ESCO2: variants seen among roughly 807,000 people sequenced by gnomAD.
ESCO2 encodes N-acetyltransferase ESCO2.
A neutral mutation model predicts 61.7 loss-of-function variants in ESCO2; 51 were observed. That is an observed-to-expected ratio of 0.83 (90% CI 0.66 to 1.04). The LOEUF is 1.04. ESCO2 is among the 50% of genes least tolerant of loss of function. The pLI is 0.00. For synonymous variants in ESCO2, 230 were observed against 238.2 expected (o/e 0.97, Z 0.32); for missense variants, 692 against 686.2 (o/e 1.01, Z -0.09).
Position 27,803,761 on chromosome 8 carries a change from T to C in ESCO2, c.*323T>C. 9.4e-7 allele frequency: 1 copy of C among 1,063,104 alleles called. No homozygotes were observed. Among genetic ancestry groups the C allele is most frequent in the Non-Finnish European group, 1.1e-6 (1 of 880,554 alleles). 65.9% of individuals were successfully genotyped at this position (1,063,104 alleles called of 1,614,324 possible). A position where few individuals can be genotyped will look rare whatever the true frequency, so the allele number is the denominator to read the frequency against. On this transcript the variant is annotated 3_prime_UTR_variant, in exon 11 of 11. Transcript: ENST00000305188. ...CTTTGTAAGAGTATTAAATACAAAG[T>C]GATTTTTCTCTAGAAATGTGACCTG...
At chr8:27,810,892 T>C, downstream of ESCO2, 1 of 1,074,632 alleles carries the variant, frequency 9.3e-7, no homozygotes, top group Non-Finnish European at 1.4e-6. Flanking sequence ...CTTAGAAAGA[T>C]AAAATTATAT....
chr8:27,790,023 C>T (rs140077160), intron 7 of ESCO2, among the ~76,000 whole-genome samples: 3 of 152,220 alleles, frequency 2.0e-5, no homozygotes, highest in Non-Finnish European at 4.4e-5. Flanking sequence ...TAGGTTCTGA[C>T]ATTGTCTGCT....
At position 27,803,613 on chromosome 8, in the gene ESCO2, A is replaced by G; in HGVS notation, c.*175A>G. 1 of 1,378,716 alleles carries G rather than the reference A, an allele frequency of 7.3e-7. No individual in the cohort carries two copies. The highest frequency in any genetic ancestry group is 9.3e-7 in the Non-Finnish European group (1 of 1,073,382). 85.4% of individuals were successfully genotyped at this position (1,378,716 alleles called of 1,614,324 possible). ...TTTGTTCCTTATGAGTTGAAAAGTCAGGAATAAATTTGTTGAAAATTATCT... is the reference window on the plus strand; with the variant it reads ...TTTGTTCCTTATGAGTTGAAAAGTCGGGAATAAATTTGTTGAAAATTATCT... On this transcript the variant is annotated 3_prime_UTR_variant, in exon 11 of 11. Coordinates refer to ENST00000305188, the MANE Select transcript of ESCO2 (RefSeq NM_001017420.3).
rs1804812251 is a variant in ESCO2 at position 27,777,118 on chromosome 8, G to A, written c.810G>A (p.Leu270=). ...VPKCLVLEEK[L]KIGLLSASSK... Reference sequence around the variant, plus strand: ...AGTGCTTGGTCCTAGAAGAGAAATTGAAAATTGGACTACTGAGTGCAAGCA... The same window carrying A: ...AGTGCTTGGTCCTAGAAGAGAAATTAAAAATTGGACTACTGAGTGCAAGCA... The change falls in exon 3 of 11, where the codon TTG becomes TTA. Residue 270 remains leucine (L), a synonymous_variant. Coordinates refer to ENST00000305188, the MANE Select transcript of ESCO2 (RefSeq NM_001017420.3). 6.3e-7 allele frequency: 1 copy of A among 1,594,640 alleles called. No individual in the cohort carries two copies. The highest frequency in any genetic ancestry group is 1.4e-5 in the African/African-American group (1 of 73,358).
At chr8:27,772,612 C>G (rs1804672705), upstream of ESCO2, 10 of 1,477,786 alleles carry the variant, frequency 6.8e-6, no homozygotes, top group Non-Finnish European at 9.2e-6. Context: ...GGATACCAGA[C>G]TCGCGGCGGC....
chr8:27,812,181 T>G (rs1805700271), downstream of ESCO2: 1 of 152,180 alleles, frequency 6.6e-6, no homozygotes, highest in Admixed American at 6.5e-5. Context: ...AGGTTTTTCT[T>G]GTAGACAGCC....
Position 27,803,415 on chromosome 8 carries a change from C to T in ESCO2, c.1783C>T (p.Leu595Phe). 6.2e-7 allele frequency: 1 copy of T among 1,613,512 alleles called. No homozygotes were observed. The highest frequency in any genetic ancestry group is 8.5e-7 in the Non-Finnish European group (1 of 1,179,580). Residue 595 changes from leucine to phenylalanine, a missense_variant, in exon 11 of 11, where the codon CTC becomes TTC. Transcript: ENST00000305188. ...ATKYCNTPNFLVYNFNS is the reference protein window; with the variant it reads ...ATKYCNTPNFFVYNFNS ...CAAGTACTGCAACACCCCTAATTTC[C>T]TCGTATATAATTTTAATAGTTAAAG...
chr8:27,804,568 G>A lies in ESCO2; in HGVS notation c.*1130G>A, dbSNP rs1805521739. 3.1e-5 allele frequency: 31 copies of A among 985,328 alleles called. No homozygotes were observed. Among genetic ancestry groups the A allele is most frequent in the Non-Finnish European group, 3.7e-5 (31 of 829,876 alleles). 61.0% of individuals were successfully genotyped at this position (985,328 alleles called of 1,614,324 possible). ...GTGTAATTCTTGGATACTTTAAAAA[G>A]CAAAACATTGTTCAAATTGTTTTGA... On this transcript the variant is annotated 3_prime_UTR_variant, in exon 11 of 11. Transcript: ENST00000305188.
intron 9 of ESCO2, among the ~76,000 whole-genome samples, chr8:27,798,707 T>C (rs1293276440): frequency 1.3e-5 from 2 of 152,164 alleles, no homozygotes; most frequent in African/African-American, 4.8e-5. Flanking sequence ...TAACAAAGAA[T>C]TGATACACTT....
chr8:27,804,893 A>G lies in ESCO2; in HGVS notation c.*1455A>G, dbSNP rs1415115697. 1 of 433,052 alleles carries G rather than the reference A, an allele frequency of 2.3e-6. No homozygotes were observed. Among genetic ancestry groups the G allele is most frequent in the Non-Finnish European group, 3.1e-6 (1 of 325,422 alleles). 26.8% of individuals were successfully genotyped at this position (433,052 alleles called of 1,614,324 possible). On this transcript the variant is annotated 3_prime_UTR_variant, in exon 11 of 11. Coordinates refer to ENST00000305188, the MANE Select transcript of ESCO2 (RefSeq NM_001017420.3). ...TGTTATGAATCAATTAAAATTCTTT[A>G]TTTTATACAACTAAATCTGATTTTA...
intron 6 of ESCO2, 94 bp from the exon 7 acceptor site, chr8:27,788,753 T>C (rs1353161324): frequency 2.0e-6 from 3 of 1,483,554 alleles, no homozygotes; most frequent in East Asian, 2.3e-5. Context: ...AAAAAAAAAA[T>C]TAGGTGAAAT....
intron 5 of ESCO2, 25 bp downstream of exon 5, chr8:27,784,082 T>G: frequency 6.2e-7 from 1 of 1,605,060 alleles, no homozygotes; most frequent in Non-Finnish European, 8.5e-7. Context: ...TGTTTTAAAG[T>G]CCAAGCCTTG....
At chr8:27,772,359 G>A (rs554456756), upstream of ESCO2, among the ~76,000 whole-genome samples, 45 of 152,362 alleles carry the variant, frequency 3.0e-4, no homozygotes, top group African/African-American at 1.1e-3. Flanking sequence ...GCCGTGGGAG[G>A]GACGGATGTG....
At chr8:27,798,980 G>A (rs1446353741) in intron 9 of ESCO2, among the ~76,000 whole-genome samples, 1 of 152,092 alleles carries the variant, frequency 6.6e-6, no homozygotes, top group Non-Finnish European at 1.5e-5. Flanking sequence ...GTGATTAAGT[G>A]TCATGAAACT....
chr8:27,811,438 G>C (rs1805680281), downstream of ESCO2: 1 of 486,820 alleles, frequency 2.1e-6, no homozygotes, highest in Non-Finnish European at 3.7e-6. Flanking sequence ...TGCTTGGGTT[G>C]GTTCAAAGAC....
chr8:27,775,904 CA>C (rs997380401), intron 2 of ESCO2, among the ~76,000 whole-genome samples: 72 of 152,220 alleles, frequency 4.7e-4, no homozygotes, highest in African/African-American at 1.7e-3. Context: ...TAATATTTTA[CA>C]GTGTTTTGCA....
At chr8:27,781,222 A>G (rs1291962254) in intron 4 of ESCO2, among the ~76,000 whole-genome samples, 1 of 151,650 alleles carries the variant, frequency 6.6e-6, no homozygotes, top group Non-Finnish European at 1.5e-5. Context: ...ATGCCCATTT[A>G]TAGATGAGGA....
downstream of ESCO2, among the ~76,000 whole-genome samples, chr8:27,806,608 A>C (rs924095256): frequency 1.3e-5 from 2 of 150,068 alleles, no homozygotes; most frequent in Non-Finnish European, 3.0e-5. Context: ...TTGCTCAAGT[A>C]TTGGATACTT....
rs750245924 is a variant in ESCO2, at chr8:27,803,568, G to GCA, written c.*139_*140dup. The GCA allele has an allele frequency of 3.3e-5, 40 of 1,219,616 alleles. No individual in the cohort carries two copies. The highest frequency in any genetic ancestry group is 2.4e-4 in the South Asian group (13 of 53,612). The allele number at this position is 1,219,616 out of a possible 1,614,324, so 75.5% of individuals were successfully genotyped here. On this transcript the variant is annotated 3_prime_UTR_variant, in exon 11 of 11. Coordinates refer to ENST00000305188, the MANE Select transcript of ESCO2 (RefSeq NM_001017420.3). ...CACTCATACACACACACACACACAC[G>GCA]CACACACACATATCACAGTTTTGTT...
Sources: allele counts gnomAD v4.1 joint callset (sites outside exome capture counted in the v4.1 genomes callset), GRCh38; gene constraint gnomAD v4.1.1; transcripts MANE v1.5; gene names NCBI Gene and HGNC (gene_info 2026-07-23, HGNC 2026-07-21).